The following ARHGAP10 variants were observed in gnomAD, a reference collection of about 807,000 sequenced individuals.
The protein encoded by ARHGAP10 is rho GTPase-activating protein 10.
A neutral mutation model predicts 108.6 loss-of-function variants in ARHGAP10; 87 were observed. The observed-to-expected ratio is 0.80, with a 90% CI of 0.67 to 0.96. The LOEUF is 0.96. Among genes scored for constraint, ARHGAP10 ranks in the 40% least tolerant of loss-of-function variants. The pLI is 0.00. For synonymous variants in ARHGAP10, 347 were observed against 341.1 expected, an observed-to-expected ratio of 1.02 and a Z score of -0.19; for missense variants, 939 against 954.5, an observed-to-expected ratio of 0.98 and a Z score of 0.21.
At position 147,966,887 on chromosome 4, in the gene ARHGAP10, A is replaced by G. The variant is rs199743384; in HGVS notation, c.1716+48A>G. ...GAGACTTTGTTTTCGGCTTGTCGCCATGTACTACACAACGATCCTCTTAGA... is the reference window on the plus strand; with the variant it reads ...GAGACTTTGTTTTCGGCTTGTCGCCGTGTACTACACAACGATCCTCTTAGA... On this transcript the variant is annotated intron_variant, in intron 18 of 22. Transcript: ENST00000336498. 11 of 1,461,502 alleles carry G rather than the reference A, an allele frequency of 7.5e-6. No homozygotes were observed. The East Asian group carries it at 9.3e-5, about 12-fold the overall frequency. The allele number at this position is 1,461,502 out of a possible 1,614,324, so 90.5% of individuals were successfully genotyped here.
chr4:147,842,634 T>A (rs1449238855), intron 3 of ARHGAP10, among the ~76,000 whole-genome samples: 1 of 152,142 alleles, frequency 6.6e-6, no homozygotes, highest in East Asian at 1.9e-4. Context: ...ATGGAAGGCC[T>A]TTGCCTGGAG....
chr4:147,782,933 A>G (rs943246202), intron 1 of ARHGAP10, among the ~76,000 whole-genome samples: 1 of 141,350 alleles, frequency 7.1e-6, no homozygotes, highest in Non-Finnish European at 1.5e-5. Context: ...TATAATATAT[A>G]AAATTATATA....
intron 7 of ARHGAP10, among the ~76,000 whole-genome samples, chr4:147,873,722 A>ACACACACT (rs775092505): frequency 4.8e-5 from 7 of 144,448 alleles, no homozygotes; most frequent in African/African-American, 1.6e-4. Context: ...ACACACACAC[A>ACACACACT]CTCTTGGCCT....
intron 4 of ARHGAP10, among the ~76,000 whole-genome samples, chr4:147,847,782 T>C (rs1733694265): frequency 6.6e-6 from 1 of 152,246 alleles, no homozygotes; most frequent in Non-Finnish European, 1.5e-5. Flanking sequence ...CCACAGACTT[T>C]GTACTTAAGT....
chr4:147,784,006 AATT>A (rs1198533874), intron 1 of ARHGAP10, among the ~76,000 whole-genome samples: 39 of 144,172 alleles, frequency 2.7e-4, no homozygotes, highest in Admixed American at 3.5e-4. Context: ...TAACACATTA[AATT>A]ATTATATAAT....
chr4:147,830,997 T>G (rs935839842), intron 3 of ARHGAP10, among the ~76,000 whole-genome samples: 4 of 152,248 alleles, frequency 2.6e-5, no homozygotes, highest in African/African-American at 9.6e-5. Flanking sequence ...TGGTCCCTGG[T>G]CCAGCATCAC....
intron 18 of ARHGAP10, among the ~76,000 whole-genome samples, chr4:147,989,854 C>G (rs979862127): frequency 1.3e-5 from 2 of 152,170 alleles, no homozygotes; most frequent in East Asian, 3.8e-4. Flanking sequence ...TAGGAAATCA[C>G]AAGGATATTG....
chr4:147,977,324 C>A (rs928222099), intron 18 of ARHGAP10, among the ~76,000 whole-genome samples: 4 of 152,114 alleles, frequency 2.6e-5, no homozygotes, highest in African/African-American at 9.7e-5. Flanking sequence ...AGGGAAGGCA[C>A]CATCAGGTGC....
intron 13 of ARHGAP10, among the ~76,000 whole-genome samples, chr4:147,918,977 T>C (rs1429964136): frequency 6.6e-6 from 1 of 152,222 alleles, no homozygotes; most frequent in African/African-American, 2.4e-5. Flanking sequence ...TTACATAAGA[T>C]TGGACTCATT....
chr4:147,910,154 T>C (rs1736674859), intron 12 of ARHGAP10, among the ~76,000 whole-genome samples: 1 of 152,106 alleles, frequency 6.6e-6, no homozygotes, highest in Admixed American at 6.6e-5. Context: ...ACTACAGGCA[T>C]GTACCACCAT....
intron 1 of ARHGAP10, among the ~76,000 whole-genome samples, chr4:147,768,730 A>G (rs994428932): frequency 7.1e-6 from 1 of 140,886 alleles, no homozygotes; most frequent in Admixed American, 8.4e-5. Context: ...AATGGGGGCA[A>G]ATTTTCTTGT....
chr4:147,940,020 G>A, intron 14 of ARHGAP10, 121 bp downstream of exon 14: 2 of 976,144 alleles, frequency 2.0e-6, no homozygotes, highest in Admixed American at 4.8e-5. Flanking sequence ...CTTTCTACAG[G>A]AGTTTTCTGC....
chr4:147,974,324 C>T (rs1739516266), intron 18 of ARHGAP10, among the ~76,000 whole-genome samples: 1 of 152,026 alleles, frequency 6.6e-6, no homozygotes, highest in South Asian at 2.1e-4. Flanking sequence ...ATATTTTATA[C>T]ATTATAATGT....
chr4:147,882,184 C>T lies in ARHGAP10; in HGVS notation c.1034+252C>T, dbSNP rs113600660. Among the ~76,000 whole-genome samples, 1,441 of 151,996 alleles carry T rather than the reference C, an allele frequency of 9.5e-3. 19 individuals are homozygous for T. The highest frequency in any genetic ancestry group is 0.03 in the African/African-American group (1,251 of 41,458). ...TCACTTAAAAAATAACCTTGGAGGCCAGGTGCAGTGGCTCACACCTGTAAT... is the reference window on the plus strand; with the variant it reads ...TCACTTAAAAAATAACCTTGGAGGCTAGGTGCAGTGGCTCACACCTGTAAT... On this transcript the variant is annotated intron_variant, in intron 10 of 22. Coordinates refer to ENST00000336498, the MANE Select transcript of ARHGAP10 (RefSeq NM_024605.4).
chr4:147,934,335 T>G (rs111634876), intron 13 of ARHGAP10, among the ~76,000 whole-genome samples: 7 of 152,180 alleles, frequency 4.6e-5, no homozygotes, highest in Non-Finnish European at 4.4e-5. Context: ...CCCTCCCAGG[T>G]CTTGGGCTCC....
chr4:147,918,426 C>T (rs1350010591), intron 13 of ARHGAP10, among the ~76,000 whole-genome samples: 1 of 152,208 alleles, frequency 6.6e-6, no homozygotes. Context: ...TGAGCCACTG[C>T]ACCCAGCCCT....
intron 18 of ARHGAP10, among the ~76,000 whole-genome samples, chr4:148,013,887 C>T (rs1741255686): frequency 6.6e-6 from 1 of 152,130 alleles, no homozygotes; most frequent in African/African-American, 2.4e-5. Context: ...CTCACTAGCC[C>T]AGGAGAGGAA....
At chr4:147,937,377 TAATTA>T (rs1044971755) in intron 13 of ARHGAP10, among the ~76,000 whole-genome samples, 5 of 152,206 alleles carry the variant, frequency 3.3e-5, no homozygotes, top group African/African-American at 1.2e-4. Context: ...CATTTTAATT[TAATTA>T]CTTTTTTTTT....
Position 147,951,045 on chromosome 4 carries a change from A to G in ARHGAP10, c.1392-4271A>G, listed in dbSNP as rs10021664. ...AGGCTGAGAGTTGCAGTGACTCAGC[A>G]TAATACATTCTGTATGGGGAACTTG... On this transcript the variant is annotated intron_variant, in intron 15 of 22. Transcript: ENST00000336498. Among the ~76,000 whole-genome samples the G allele has an allele frequency of 8.2e-3, 1,245 of 152,296 alleles. 23 individuals carry two copies. The highest frequency in any genetic ancestry group is 0.029 in the African/African-American group (1,195 of 41,558).
Sources: gnomAD v4.1 joint callset for allele counts (sites outside exome capture counted in the v4.1 genomes callset) on GRCh38, gnomAD v4.1.1 for gene constraint, MANE v1.5 for transcripts, NCBI Gene and HGNC (gene_info 2026-07-23, HGNC 2026-07-21) for gene names.